Variants in TINAG observed in about 807,000 individuals in gnomAD.
The protein encoded by TINAG is tubulointerstitial nephritis antigen.
Under a neutral mutation model 72.7 loss-of-function variants are expected in TINAG, and 83 were observed. The observed-to-expected ratio is 1.14, with a 90% CI of 0.96 to 1.37. The LOEUF (loss-of-function observed/expected upper bound fraction) is 1.37, where lower values mean the gene tolerates loss of function less well. Among genes scored for constraint, TINAG ranks in the 40% most tolerant of loss-of-function variants. The pLI, the probability that TINAG is intolerant of heterozygous loss-of-function variation, is 0.00. For synonymous variants in TINAG, 234 were observed against 189.9 expected (o/e 1.23, Z -1.91); for missense variants, 685 against 576.6 (o/e 1.19, Z -1.93).
intron 1 of TINAG, among the ~76,000 whole-genome samples, chr6:54,318,686 T>G (rs556741): frequency 0.98 from 149,090 of 152,184 alleles, 73,102 homozygotes; most frequent in East Asian, 1. Flanking sequence ...AGTAGGAAGC[T>G]ACATGATGTA....
At chr6:54,333,645 A>T (rs1784796743) in intron 4 of TINAG, among the ~76,000 whole-genome samples, 1 of 152,070 alleles carries the variant, frequency 6.6e-6, no homozygotes, top group African/African-American at 2.4e-5. Flanking sequence ...ATAAAATAAA[A>T]TTGATAATCC....
At chr6:54,315,403 T>C (rs1273995425) in intron 1 of TINAG, among the ~76,000 whole-genome samples, 1 of 152,054 alleles carries the variant, frequency 6.6e-6, no homozygotes, top group Non-Finnish European at 1.5e-5. Flanking sequence ...GTGTGGTGGC[T>C]CACACCTGTA....
chr6:54,337,212 T>C (rs567425152), intron 4 of TINAG, among the ~76,000 whole-genome samples: 6 of 151,906 alleles, frequency 3.9e-5, no homozygotes, highest in African/African-American at 1.2e-4. Context: ...AAAGTAATTT[T>C]CCAAGTTTAG....
chr6:54,372,904 C>G (rs1237469754), intron 9 of TINAG, among the ~76,000 whole-genome samples: 3 of 151,608 alleles, frequency 2.0e-5, no homozygotes, highest in African/African-American at 7.3e-5. Flanking sequence ...CTGATTACTT[C>G]AATAAGACCA....
At chr6:54,350,190 AAAGTT>A (rs1435220269) in intron 7 of TINAG, among the ~76,000 whole-genome samples, 1 of 147,308 alleles carries the variant, frequency 6.8e-6, no homozygotes, top group African/African-American at 2.4e-5. Flanking sequence ...TTGACAATTA[AAAGTT>A]AAGTTAAACA....
At chr6:54,342,020 A>C (rs1358467255) in intron 4 of TINAG, among the ~76,000 whole-genome samples, 1 of 152,178 alleles carries the variant, frequency 6.6e-6, no homozygotes, top group East Asian at 1.9e-4. Context: ...TTAAGACATT[A>C]AAACACTTTC....
intron 9 of TINAG, among the ~76,000 whole-genome samples, chr6:54,358,059 G>A (rs2150965077): frequency 6.6e-6 from 1 of 151,730 alleles, no homozygotes; most frequent in East Asian, 2.0e-4. Flanking sequence ...TAATGTTTCA[G>A]CAACATGTAC....
chr6:54,376,093 C>T (rs916706826), intron 9 of TINAG, among the ~76,000 whole-genome samples: 1 of 152,112 alleles, frequency 6.6e-6, no homozygotes, highest in Admixed American at 6.6e-5. Flanking sequence ...CTGATTTTGC[C>T]ATAAATTCTA....
intron 8 of TINAG, 98 bp downstream of exon 8, chr6:54,351,495 T>C: frequency 1.7e-6 from 2 of 1,187,800 alleles, no homozygotes. Flanking sequence ...ATAAAGAAAA[T>C]TTTTACTTTA....
In TINAG at chr6:54,380,930, C is replaced by CAT. The variant is rs1348031433; in HGVS notation, c.1296+367_1296+368dup. 4.1e-5 allele frequency among the ~76,000 whole-genome samples: 6 copies of CAT among 147,166 alleles called. No individual in the cohort carries two copies. The South Asian group carries it at 6.4e-4, about 16-fold the overall frequency. On this transcript the variant is annotated intron_variant, in intron 10 of 10. Coordinates refer to ENST00000259782, the MANE Select transcript of TINAG (RefSeq NM_014464.4). ...CTTGATGCTTTTGTTATGTTAGTATCATATATATACATATATATGTATATA... is the reference window on the plus strand; with the variant it reads ...CTTGATGCTTTTGTTATGTTAGTATCATATATATATACATATATATGTATATA...
At chr6:54,333,877 T>A (rs1233993485) in intron 4 of TINAG, among the ~76,000 whole-genome samples, 2 of 152,048 alleles carry the variant, frequency 1.3e-5, no homozygotes, top group East Asian at 3.9e-4. Flanking sequence ...CCTTGATGAT[T>A]AGTAAAGGTT....
At chr6:54,367,997 C>G (rs1340839913) in intron 9 of TINAG, among the ~76,000 whole-genome samples, 1 of 151,562 alleles carries the variant, frequency 6.6e-6, no homozygotes, top group African/African-American at 2.4e-5. Context: ...TAATCACTCC[C>G]AAAGACCCCA....
intron 4 of TINAG, among the ~76,000 whole-genome samples, chr6:54,329,459 G>A (rs1784685342): frequency 6.6e-6 from 1 of 152,018 alleles, no homozygotes; most frequent in Non-Finnish European, 1.5e-5. Context: ...TGCCTTACAA[G>A]AGCTCCTAAA....
At chr6:54,326,463 G>A (rs1445190239) in intron 3 of TINAG, among the ~76,000 whole-genome samples, 1 of 151,826 alleles carries the variant, frequency 6.6e-6, no homozygotes, top group Admixed American at 6.6e-5. Flanking sequence ...GTGCATTTCT[G>A]TATATTTAAG....
chr6:54,385,122 A>C (rs576334486), intron 10 of TINAG, among the ~76,000 whole-genome samples: 2 of 152,142 alleles, frequency 1.3e-5, no homozygotes, highest in Admixed American at 6.6e-5. Flanking sequence ...AAGCTGAAAA[A>C]TTTAAACCGA....
chr6:54,315,389 C>G (rs1473870170), intron 1 of TINAG, among the ~76,000 whole-genome samples: 1 of 151,978 alleles, frequency 6.6e-6, no homozygotes, highest in Non-Finnish European at 1.5e-5. Flanking sequence ...AAATGTCAGG[C>G]TGGGTGTGGT....
At chr6:54,377,809 G>C (rs939720873) in intron 9 of TINAG, among the ~76,000 whole-genome samples, 51 of 151,992 alleles carry the variant, frequency 3.4e-4, no homozygotes, top group African/African-American at 1.2e-3. Context: ...ACATATATTA[G>C]GAAAAAATGC....
chr6:54,387,866 A>C (rs1764139514), intron 10 of TINAG, among the ~76,000 whole-genome samples: 1 of 152,168 alleles, frequency 6.6e-6, no homozygotes, highest in Non-Finnish European at 1.5e-5. Context: ...AGTAGGAAGA[A>C]TAAGATTAAT....
At chr6:54,381,032 T>C (rs545961994) in intron 10 of TINAG, among the ~76,000 whole-genome samples, 9 of 148,162 alleles carry the variant, frequency 6.1e-5, no homozygotes, top group African/African-American at 2.0e-4. Context: ...ATGAACTTGA[T>C]GCTTATGTTA....
Sources: gnomAD v4.1 joint callset for allele counts (sites outside exome capture counted in the v4.1 genomes callset) on GRCh38, gnomAD v4.1.1 for gene constraint, MANE v1.5 for transcripts, NCBI Gene and HGNC (gene_info 2026-07-23, HGNC 2026-07-21) for gene names.